CRB1: variants seen among roughly 807,000 people sequenced by gnomAD.
The protein encoded by CRB1 is crumbs cell polarity complex component 1, also known as protein crumbs homolog 1.
Under a neutral mutation model 120.0 loss-of-function variants are expected in CRB1, and 83 were observed. The ratio of observed to expected loss-of-function variants is 0.69; its 90% confidence interval spans 0.58 to 0.83. CRB1 has a LOEUF of 0.83. CRB1 is among the 40% of genes least tolerant of loss of function. CRB1 has a pLI of 0.00. For synonymous variants in CRB1, 625 were observed against 612.5 expected, an observed-to-expected ratio of 1.02 and a Z score of -0.30; for missense variants, 1,699 against 1,687.6, an observed-to-expected ratio of 1.01 and a Z score of -0.12.
At chr1:197,355,531 G>T (rs1185186589) in intron 4 of CRB1, among the ~76,000 whole-genome samples, 1 of 152,204 alleles carries the variant, frequency 6.6e-6, no homozygotes, top group South Asian at 2.1e-4. Context: ...CAGGTTCCGA[G>T]CCCTGTCCTG....
chr1:197,389,619 G>A (rs373769817), intron 5 of CRB1, among the ~76,000 whole-genome samples: 2 of 152,034 alleles, frequency 1.3e-5, no homozygotes, highest in African/African-American at 4.8e-5. Context: ...TGGTGGTGAC[G>A]GTTACACAGC....
At chr1:197,437,233 C>T (rs1480281404) in intron 9 of CRB1, among the ~76,000 whole-genome samples, 1 of 152,078 alleles carries the variant, frequency 6.6e-6, no homozygotes, top group Non-Finnish European at 1.5e-5. Flanking sequence ...CATGAATCTC[C>T]TAGCAAACAT....
At chr1:197,292,372 C>G (rs1481501699) in intron 1 of CRB1, among the ~76,000 whole-genome samples, 1 of 151,994 alleles carries the variant, frequency 6.6e-6, no homozygotes, top group Non-Finnish European at 1.5e-5. Flanking sequence ...GAAGTTGAAT[C>G]CCTGAATAGA....
chr1:197,259,964 C>A, the CRB1 span, among the ~76,000 whole-genome samples: 1 of 147,354 alleles, frequency 6.8e-6, no homozygotes, highest in East Asian at 2.0e-4. Flanking sequence ...AGCCTAGGCA[C>A]ATAGTGAGGC....
At chr1:197,449,001 A>G (rs1461181159) in intron 11 of CRB1, among the ~76,000 whole-genome samples, 1 of 152,216 alleles carries the variant, frequency 6.6e-6, no homozygotes, top group Non-Finnish European at 1.5e-5. Flanking sequence ...TGTAGCTAGA[A>G]TAAAATTTAT....
intron 1 of CRB1, among the ~76,000 whole-genome samples, chr1:197,323,237 CTT>C (rs1658305939): frequency 6.6e-6 from 1 of 152,100 alleles, no homozygotes; most frequent in Non-Finnish European, 1.5e-5. Flanking sequence ...TATAATAAAA[CTT>C]AGCACACTGA....
At chr1:197,386,409 C>A (rs1023862860) in intron 5 of CRB1, among the ~76,000 whole-genome samples, 6 of 152,074 alleles carry the variant, frequency 3.9e-5, no homozygotes, top group African/African-American at 1.4e-4. Flanking sequence ...TGTGAGGACC[C>A]AGTTACCAAT....
At chr1:197,263,830 C>T (rs1439168442), upstream of CRB1, among the ~76,000 whole-genome samples, 1 of 151,946 alleles carries the variant, frequency 6.6e-6, no homozygotes, top group African/African-American at 2.4e-5. Flanking sequence ...GTAGTGTCAT[C>T]TACTATTTAT....
intron 5 of CRB1, among the ~76,000 whole-genome samples, chr1:197,378,197 T>A (rs893145101): frequency 6.6e-6 from 1 of 152,222 alleles, no homozygotes; most frequent in African/African-American, 2.4e-5. Context: ...TTTTGGCACA[T>A]GCGAAACCAT....
At chr1:197,378,780 A>T (rs1054283267) in intron 5 of CRB1, among the ~76,000 whole-genome samples, 7 of 152,226 alleles carry the variant, frequency 4.6e-5, no homozygotes, top group African/African-American at 1.7e-4. Flanking sequence ...TGTAATCAAG[A>T]TCTGGTTATC....
intron 1 of CRB1, among the ~76,000 whole-genome samples, chr1:197,319,278 A>AAAAAAAAAAAAAAAT (rs1230106700): frequency 7.0e-6 from 1 of 141,938 alleles, no homozygotes; most frequent in African/African-American, 2.6e-5. Context: ...AAAAAAAAAA[A>AAAAAAAAAAAAAAAT]TTAGCCGGAC....
intron 1 of CRB1, among the ~76,000 whole-genome samples, chr1:197,307,533 G>A (rs572385985): frequency 2.6e-5 from 4 of 152,240 alleles, no homozygotes; most frequent in African/African-American, 9.6e-5. Flanking sequence ...AGAAAATGCA[G>A]GAACTGTGAG....
At chr1:197,446,421 G>T (rs766286032) in intron 11 of CRB1, among the ~76,000 whole-genome samples, 25 of 152,130 alleles carry the variant, frequency 1.6e-4, no homozygotes, top group Admixed American at 6.5e-5. Flanking sequence ...GAGAGGTTGT[G>T]CACTGTGACA....
chr1:197,308,407 C>T lies in CRB1; in HGVS notation c.71-20015C>T, dbSNP rs141907670. On this transcript the variant is annotated intron_variant, in intron 1 of 11. Transcript: ENST00000367400. ...TGTAACAAACCTGCACATGTACTCC[C>T]TGTATCTAAACTAAAAGTTAAAAAA... Among the ~76,000 whole-genome samples, 538 of 152,244 alleles carry T rather than the reference C, an allele frequency of 3.5e-3. 2 individuals carry two copies. Among genetic ancestry groups the T allele is most frequent in the African/African-American group, 0.012 (506 of 41,540 alleles).
Position 197,421,097 on chromosome 1 carries a change from C to A in CRB1, c.1269C>A (p.Cys423Ter). 6.2e-7 allele frequency: 1 copy of A among 1,614,188 alleles called. No homozygotes were observed. The highest frequency in any genetic ancestry group is 8.5e-7 in the Non-Finnish European group (1 of 1,180,036). ...ENLPGNYTCH[C>*]PFDNLSRTFY... ...TGCCTGGGAATTATACTTGCCATTG[C>A]CCATTTGATAACCTTTCTAGAACTT... Residue 423 changes from cysteine to a stop codon, truncating the protein, a stop_gained, in exon 6 of 12, where the codon TGC becomes TGA. Transcript: ENST00000367400. LOFTEE classifies it high-confidence loss of function.
At chr1:197,270,082 T>A (rs1034273125) in intron 1 of CRB1, among the ~76,000 whole-genome samples, 3 of 152,136 alleles carry the variant, frequency 2.0e-5, no homozygotes, top group African/African-American at 7.2e-5. Context: ...TTAGCTGAGT[T>A]TTTTTCCCAC....
intron 5 of CRB1, among the ~76,000 whole-genome samples, chr1:197,362,948 T>C (rs967683441): frequency 1.3e-5 from 2 of 152,280 alleles, no homozygotes; most frequent in Admixed American, 1.3e-4. Context: ...GATTCCTTTC[T>C]TTCTCTTTAC....
the CRB1 span, among the ~76,000 whole-genome samples, chr1:197,253,392 T>C: frequency 2.0e-5 from 3 of 152,160 alleles, no homozygotes; most frequent in Admixed American, 2.0e-4. Flanking sequence ...TTTTCATTCA[T>C]GGTTTCATAG....
chr1:197,301,190 G>A (rs1342048110), intron 1 of CRB1, among the ~76,000 whole-genome samples: 3 of 149,820 alleles, frequency 2.0e-5, no homozygotes, highest in Admixed American at 1.3e-4. Context: ...TTTTAAGACC[G>A]AGTATCACTC....
Sources: allele counts gnomAD v4.1 joint callset (sites outside exome capture counted in the v4.1 genomes callset), GRCh38; gene constraint gnomAD v4.1.1; transcripts MANE v1.5; gene names NCBI Gene and HGNC (gene_info 2026-07-23, HGNC 2026-07-21).